Variants in GRID2 observed in about 807,000 individuals in gnomAD.
GRID2 encodes glutamate receptor ionotropic, delta-2.
GRID2 carries 33 observed loss-of-function variants against 114.8 expected under a neutral mutation model. That is an observed-to-expected ratio of 0.29 (90% CI 0.22 to 0.38). The LOEUF (loss-of-function observed/expected upper bound fraction) is 0.38. GRID2 is among the 10% of genes least tolerant of loss of function. The probability of loss-of-function intolerance (pLI) is 1.00; values close to 1 mark genes in which losing one functional copy is unlikely to be tolerated. For missense variants in GRID2, 1,184 were observed against 1,257.7 expected (o/e 0.94, Z 0.89); for synonymous variants, 505 against 449.9 (o/e 1.12, Z -1.55).
At chr4:93,456,001 T>C in intron 11 of GRID2, 27 bp downstream of exon 11, 1 of 1,342,864 alleles carries the variant, frequency 7.4e-7, no homozygotes, top group African/African-American at 1.4e-5. Context: ...CATTCTAGTA[T>C]TTAAAAAAAA....
intron 1 of GRID2, among the ~76,000 whole-genome samples, chr4:92,411,981 A>G (rs1304152466): frequency 2.0e-5 from 3 of 152,088 alleles, no homozygotes; most frequent in Non-Finnish European, 4.4e-5. Context: ...CTGGGATTAC[A>G]GGCCACAGAG....
intron 2 of GRID2, among the ~76,000 whole-genome samples, chr4:92,951,060 T>C (rs1020001598): frequency 1.3e-5 from 2 of 152,104 alleles, no homozygotes; most frequent in African/African-American, 4.8e-5. Context: ...CTCTGGAGGA[T>C]TCTTAGTTTT....
chr4:93,680,060 A>G (rs1277992229), intron 14 of GRID2, among the ~76,000 whole-genome samples: 1 of 151,286 alleles, frequency 6.6e-6, no homozygotes, highest in Non-Finnish European at 1.5e-5. Context: ...AAGAGAGAAG[A>G]ATCAAATAGA....
chr4:93,569,150 T>G (rs1735707987), intron 13 of GRID2, among the ~76,000 whole-genome samples: 1 of 152,178 alleles, frequency 6.6e-6, no homozygotes, highest in African/African-American at 2.4e-5. Flanking sequence ...AGGCATCACT[T>G]ATCCAGAGTC....
At chr4:93,000,718 A>G (rs1489767688) in intron 2 of GRID2, among the ~76,000 whole-genome samples, 3 of 143,738 alleles carry the variant, frequency 2.1e-5, no homozygotes, top group Non-Finnish European at 4.5e-5. Context: ...AAGTATGTCA[A>G]GTAGTTTTTA....
intron 13 of GRID2, among the ~76,000 whole-genome samples, chr4:93,522,107 G>A (rs1377536831): frequency 1.3e-5 from 2 of 152,138 alleles, no homozygotes; most frequent in Admixed American, 1.3e-4. Context: ...GCATCTTAGT[G>A]CACAGGTAGA....
chr4:93,041,998 G>T (rs1441631665), intron 2 of GRID2, among the ~76,000 whole-genome samples: 28 of 152,098 alleles, frequency 1.8e-4, no homozygotes, highest in Non-Finnish European at 1.5e-5. Context: ...TGCCTCCCAG[G>T]TTCACACCAT....
Position 93,733,058 on chromosome 4 carries a change from A to G in GRID2, c.2361-36152A>G, listed in dbSNP as rs150597973. On this transcript the variant is annotated intron_variant, in intron 14 of 15. Transcript: ENST00000282020. ...TGTATTGTTTTTACAACTGAAGTCA[A>G]TGCAGCTATTGCTTCTTAAGAATTT... is the stretch of plus-strand genomic sequence containing the variant. Among the ~76,000 whole-genome samples the G allele has an allele frequency of 3.9e-5, 6 of 152,288 alleles. No homozygotes were observed. The East Asian group carries it at 1.2e-3, about 29-fold the overall frequency.
chr4:92,599,648 A>T (rs1729107862), intron 2 of GRID2, among the ~76,000 whole-genome samples: 1 of 152,142 alleles, frequency 6.6e-6, no homozygotes, highest in Admixed American at 6.5e-5. Context: ...GACTAACGTG[A>T]TATGATGGTT....
At chr4:93,390,448 T>A (rs1300283922) in intron 8 of GRID2, among the ~76,000 whole-genome samples, 1 of 152,214 alleles carries the variant, frequency 6.6e-6, no homozygotes, top group African/African-American at 2.4e-5. Flanking sequence ...ACACTTAACA[T>A]ATTTTAAATC....
At chr4:92,560,805 C>T (rs1046823347) in intron 1 of GRID2, among the ~76,000 whole-genome samples, 27 of 152,054 alleles carry the variant, frequency 1.8e-4, no homozygotes, top group African/African-American at 6.5e-4. Context: ...CTCCCGGGTA[C>T]AAGTGATTCT....
intron 8 of GRID2, among the ~76,000 whole-genome samples, chr4:93,359,929 A>G (rs1214577895): frequency 1.4e-5 from 2 of 140,026 alleles, no homozygotes; most frequent in African/African-American, 2.6e-5. Flanking sequence ...TCAAGCCACC[A>G]TTTGAAGCAT....
chr4:93,764,159 C>T (rs1458174836), intron 14 of GRID2, among the ~76,000 whole-genome samples: 1 of 152,058 alleles, frequency 6.6e-6, no homozygotes, highest in Non-Finnish European at 1.5e-5. Flanking sequence ...AAGATGAATG[C>T]CTAAACCTGT....
chr4:92,421,166 T>C (rs1268773280), intron 1 of GRID2, among the ~76,000 whole-genome samples: 1 of 152,108 alleles, frequency 6.6e-6, no homozygotes, highest in Non-Finnish European at 1.5e-5. Context: ...ATTAATTTTA[T>C]TTATATTTAT....
chr4:92,979,446 C>T (rs997042757), intron 2 of GRID2, among the ~76,000 whole-genome samples: 2 of 151,956 alleles, frequency 1.3e-5, no homozygotes, highest in Non-Finnish European at 2.9e-5. Context: ...TATTGGTAGG[C>T]ATGTAAAATC....
At chr4:92,317,294 A>G (rs528255753) in intron 1 of GRID2, among the ~76,000 whole-genome samples, 1 of 152,348 alleles carries the variant, frequency 6.6e-6, no homozygotes, top group African/African-American at 2.4e-5. Flanking sequence ...TGACAGAATA[A>G]TCTACCTCAT....
chr4:92,989,291 A>T (rs1160917286), intron 2 of GRID2, among the ~76,000 whole-genome samples: 2,112 of 146,160 alleles, frequency 0.014, 39 homozygotes, highest in East Asian at 0.039. Context: ...AAAAAAAAAA[A>T]AAAAAAAAAA....
chr4:92,830,106 A>T (rs1335913649), intron 2 of GRID2, among the ~76,000 whole-genome samples: 1 of 151,992 alleles, frequency 6.6e-6, no homozygotes, highest in Non-Finnish European at 1.5e-5. Flanking sequence ...ATTGAAAAAA[A>T]AAAAAGCAAA....
intron 14 of GRID2, among the ~76,000 whole-genome samples, chr4:93,758,858 C>A (rs928549829): frequency 1.3e-5 from 2 of 152,090 alleles, no homozygotes; most frequent in African/African-American, 2.4e-5. Context: ...TTTCTCACTG[C>A]AGAATGAAAT....
Sources: gnomAD v4.1 joint callset for allele counts (sites outside exome capture counted in the v4.1 genomes callset) on GRCh38, gnomAD v4.1.1 for gene constraint, MANE v1.5 for transcripts, NCBI Gene and HGNC (gene_info 2026-07-23, HGNC 2026-07-21) for gene names.